SLAMF6: variants seen among roughly 807,000 people sequenced by gnomAD.
SLAMF6 encodes the protein NK-T-B-antigen.
A neutral mutation model predicts 38.3 loss-of-function variants in SLAMF6; 21 were observed. That is an observed-to-expected ratio of 0.55 (90% CI 0.39 to 0.79). SLAMF6 has a LOEUF of 0.79. Ranked by LOEUF, SLAMF6 falls within the 30% of genes least tolerant of loss-of-function variation. The pLI is 0.00. For missense variants in SLAMF6, 341 were observed against 385.3 expected (o/e 0.89, Z 0.96); for synonymous variants, 152 against 146.3 (o/e 1.04, Z -0.28).
In SLAMF6 at chr1:160,500,383, A is replaced by G. The variant is rs183062287; in HGVS notation, c.50-3990T>C. On this transcript the variant is annotated intron_variant, in intron 1 of 7. Transcript: ENST00000368057. Reference sequence around the variant, plus strand: ...CTCCAGCCCCCTTGGCTATTCCTTGAGCAGGCCAGGGCTTTTGCATTTGCA... The same window carrying G: ...CTCCAGCCCCCTTGGCTATTCCTTGGGCAGGCCAGGGCTTTTGCATTTGCA... Among the ~76,000 whole-genome samples, 9 of 152,248 alleles carry G rather than the reference A, an allele frequency of 5.9e-5. No homozygotes were observed. The East Asian group carries it at 1.2e-3, about 20-fold the overall frequency.
At chr1:160,486,838 A>C (rs1264458996) in intron 7 of SLAMF6, 84 bp from the exon 8 acceptor site, 1 of 1,461,622 alleles carries the variant, frequency 6.8e-7, no homozygotes, top group East Asian at 2.3e-5. Context: ...AGAGGACTGG[A>C]GACTACAGAG....
chr1:160,489,448 C>T (rs1346755970), intron 5 of SLAMF6, among the ~76,000 whole-genome samples: 1 of 152,162 alleles, frequency 6.6e-6, no homozygotes, highest in East Asian at 1.9e-4. Context: ...GGTCAGGAAG[C>T]TCCTGGGACC....
intron 2 of SLAMF6, among the ~76,000 whole-genome samples, chr1:160,495,385 A>G (rs1653522103): frequency 6.6e-6 from 1 of 152,224 alleles, no homozygotes; most frequent in Non-Finnish European, 1.5e-5. Context: ...TATAGTTTCC[A>G]TAATTTTATG....
At chr1:160,508,420 A>G (rs905357010) in intron 1 of SLAMF6, among the ~76,000 whole-genome samples, 1 of 152,202 alleles carries the variant, frequency 6.6e-6, no homozygotes, top group Non-Finnish European at 1.5e-5. Context: ...AGGACTCCCT[A>G]TTTAATAAAT....
In SLAMF6 at chr1:160,486,736, T is replaced by G. The variant is rs573035346; in HGVS notation, c.970A>C (p.Arg324=). 5 of 1,613,774 alleles carry G rather than the reference T, an allele frequency of 3.1e-6. No homozygotes were observed. Among genetic ancestry groups the G allele is most frequent in the Non-Finnish European group, 4.2e-6 (5 of 1,179,814 alleles). The change falls in exon 8 of 8, where the codon AGG becomes CGG. Residue 324 remains arginine (R), a synonymous_variant. Coordinates refer to ENST00000368057, the MANE Select transcript of SLAMF6 (RefSeq NM_001184714.2). ...HSKESKPTFS[R]ATALDNVV ...ACGACATTGTCAAGGGCAGTTGCCC[T>G]GGAAAAAGTGGGTTTACTCTGTGGG... is the stretch of plus-strand genomic sequence containing the variant.
chr1:160,499,672 T>C (rs1159780233), intron 1 of SLAMF6, among the ~76,000 whole-genome samples: 4 of 152,232 alleles, frequency 2.6e-5, no homozygotes, highest in African/African-American at 9.6e-5. Flanking sequence ...TTAACGATGT[T>C]GATTCTTCCA....
chr1:160,491,705 T>G (rs11265415), intron 2 of SLAMF6, among the ~76,000 whole-genome samples: 6,415 of 152,210 alleles, frequency 0.042, 165 homozygotes, highest in Middle Eastern at 0.075. Flanking sequence ...TATCCCTGGG[T>G]TCCCTTCTAG....
chr1:160,509,962 A>G (rs999628171), intron 1 of SLAMF6, among the ~76,000 whole-genome samples: 1 of 152,176 alleles, frequency 6.6e-6, no homozygotes, highest in Admixed American at 6.5e-5. Flanking sequence ...AAGGATTAAG[A>G]GAACACTATA....
intron 7 of SLAMF6, 45 bp downstream of exon 7, chr1:160,487,059 G>A (rs1653002608): frequency 6.8e-7 from 1 of 1,478,152 alleles, no homozygotes; most frequent in Non-Finnish European, 9.4e-7. Context: ...ATAGGTCTGT[G>A]GAGAGAGGTA....
Position 160,491,204 on chromosome 1 carries a change from A to T in SLAMF6, c.567T>A (p.Ser189Arg). ...LTVSWDPRIS[S>R]EQDYTCIAEN... Reference sequence around the variant, plus strand: ...CTGCTATGCAGGTGTAGTCCTGTTCACTGGAAATCCTGGGGTCCCAGGAGA... The same window carrying T: ...CTGCTATGCAGGTGTAGTCCTGTTCTCTGGAAATCCTGGGGTCCCAGGAGA... Residue 189 changes from serine to arginine, a missense_variant, in exon 3 of 8, where the codon AGT becomes AGA. Physicochemically the swap from Ser to Arg is moderately radical, Grantham distance 110. Coordinates refer to ENST00000368057, the MANE Select transcript of SLAMF6 (RefSeq NM_001184714.2). 1 of 1,614,080 alleles carries T rather than the reference A, an allele frequency of 6.2e-7. No homozygotes were observed. Among genetic ancestry groups the T allele is most frequent in the Admixed American group, 1.7e-5 (1 of 59,992 alleles).
intron 2 of SLAMF6, among the ~76,000 whole-genome samples, chr1:160,494,311 C>G (rs748966214): frequency 9.2e-5 from 14 of 152,124 alleles, no homozygotes; most frequent in South Asian, 2.1e-4. Context: ...ATAAGTCATA[C>G]CTGGTCTTCT....
chr1:160,491,138 C>T lies in SLAMF6; in HGVS notation c.633G>A (p.Gln211=). 1 of 1,613,756 alleles carries T rather than the reference C, an allele frequency of 6.2e-7. No individual in the cohort carries two copies. The highest frequency in any genetic ancestry group is 8.5e-7 in the Non-Finnish European group (1 of 1,179,936). Residue 211 remains glutamine, a synonymous_variant, in exon 3 of 8, where the codon CAG becomes CAA. Transcript: ENST00000368057. ...GCAGGCTGTTACCTTCGCAAAGCTTCTGGGCAGAGACAGAGAAGGATAAAT... is the reference window on the plus strand; with the variant it reads ...GCAGGCTGTTACCTTCGCAAAGCTTTTGGGCAGAGACAGAGAAGGATAAAT... ...VSNLSFSVSA[Q]KLCEDVKIQY... is the part of the protein sequence containing the mutation.
In SLAMF6 at chr1:160,489,087, C is replaced by T. The variant is rs980703455; in HGVS notation, c.879+1G>A. On this transcript the variant is annotated splice_donor_variant, in intron 6 of 7. Coordinates refer to ENST00000368057, the MANE Select transcript of SLAMF6 (RefSeq NM_001184714.2). LOFTEE classifies it high-confidence loss of function. Reference sequence around the variant, plus strand: ...TGGCATATAAAGCTGAAAAGACTCACCCTGTTTGAATGAGTGACTGAAGCA... The same window carrying T: ...TGGCATATAAAGCTGAAAAGACTCATCCTGTTTGAATGAGTGACTGAAGCA... 5 of 1,611,378 alleles carry T rather than the reference C, an allele frequency of 3.1e-6. No individual in the cohort carries two copies. The highest frequency in any genetic ancestry group is 1.7e-5 in the Admixed American group (1 of 59,990).
At chr1:160,503,680 C>A (rs1174488362) in intron 1 of SLAMF6, among the ~76,000 whole-genome samples, 1 of 152,050 alleles carries the variant, frequency 6.6e-6, no homozygotes, top group Non-Finnish European at 1.5e-5. Flanking sequence ...GTCCATCCCT[C>A]CACAAAAAAC....
chr1:160,498,124 C>G (rs1462380827), intron 1 of SLAMF6, among the ~76,000 whole-genome samples: 2 of 151,788 alleles, frequency 1.3e-5, no homozygotes, highest in Non-Finnish European at 2.9e-5. Context: ...TCTCTGCAAC[C>G]TCACCAAGTG....
At position 160,496,152 on chromosome 1, in the gene SLAMF6, G is replaced by T. The variant is rs1220127870; in HGVS notation, c.291C>A (p.Ser97Arg). 6.2e-7 allele frequency: 1 copy of T among 1,613,858 alleles called. No individual in the cohort carries two copies. ...AGCCTGTGTCTTCCATCTTCAGGTTGCTGAGTTGCAGGGAGTAGGACTGGG... is the reference window on the plus strand; with the variant it reads ...AGCCTGTGTCTTCCATCTTCAGGTTTCTGAGTTGCAGGGAGTAGGACTGGG... ...NFTQSYSLQL[S>R]NLKMEDTGSY... The change falls in exon 2 of 8, where the codon AGC becomes AGA. Residue 97 changes from serine to arginine, a missense_variant. Physicochemically the swap from Ser to Arg is moderately radical, Grantham distance 110 (BLOSUM62 -1). Transcript: ENST00000368057.
chr1:160,491,221 C>A lies in SLAMF6; in HGVS notation c.550G>T (p.Asp184Tyr). The A allele has an allele frequency of 6.2e-7, 1 of 1,614,012 alleles. No individual in the cohort carries two copies. The highest frequency in any genetic ancestry group is 8.5e-7 in the Non-Finnish European group (1 of 1,179,968). ...TCCTGTTCACTGGAAATCCTGGGGT[C>A]CCAGGAGACAGTGAGGTTTGGCTGA... ...SSQPNLTVSW[D>Y]PRISSEQDYT... The change falls in exon 3 of 8, where the codon GAC becomes TAC. Residue 184 changes from aspartate (D) to tyrosine (Y), a missense_variant. By Grantham distance (160) the Asp-to-Tyr change is radical (BLOSUM62 -3). Coordinates refer to ENST00000368057, the MANE Select transcript of SLAMF6 (RefSeq NM_001184714.2).
intron 1 of SLAMF6, among the ~76,000 whole-genome samples, chr1:160,516,694 T>G (rs763957957): frequency 1.3e-5 from 2 of 151,840 alleles, no homozygotes; most frequent in Non-Finnish European, 2.9e-5. Context: ...AGAGAACCCA[T>G]AAATAAGACT....
At chr1:160,520,853 C>T (rs1024253852) in intron 1 of SLAMF6, among the ~76,000 whole-genome samples, 1 of 152,132 alleles carries the variant, frequency 6.6e-6, no homozygotes. Context: ...GTCTTCTTTC[C>T]CTTCCTAAAT....
Sources: gnomAD v4.1 joint callset for allele counts (sites outside exome capture counted in the v4.1 genomes callset) on GRCh38, gnomAD v4.1.1 for gene constraint, MANE v1.5 for transcripts, NCBI Gene and HGNC (gene_info 2026-07-23, HGNC 2026-07-21) for gene names.